The following FER variants were observed in gnomAD, a reference collection of about 807,000 sequenced individuals.
The protein encoded by FER is tyrosine-protein kinase Fer.
A neutral mutation model predicts 111.0 loss-of-function variants in FER; 63 were observed. The observed-to-expected ratio is 0.57, with a 90% CI of 0.46 to 0.70. FER has a LOEUF of 0.70. Among genes scored for constraint, FER ranks in the 30% least tolerant of loss-of-function variants. The pLI is 0.00. For missense variants in FER, 914 were observed against 954.0 expected (o/e 0.96, Z 0.55); for synonymous variants, 327 against 313.9 (o/e 1.04, Z -0.44).
Position 109,107,367 on chromosome 5 carries a change from A to T in FER, c.2048+6848A>T, listed in dbSNP as rs1378465851. 3.9e-5 allele frequency among the ~76,000 whole-genome samples: 6 copies of T among 152,192 alleles called. No homozygotes were observed. The East Asian group carries it at 1.2e-3, about 29-fold the overall frequency. On this transcript the variant is annotated intron_variant, in intron 17 of 19. Coordinates refer to ENST00000281092, the MANE Select transcript of FER (RefSeq NM_005246.4). ...ATTTTAGGCTCAGGGGGTACATGTGAAGGTTTGTTATACAGGTAAACTCAT... is the reference window on the plus strand; with the variant it reads ...ATTTTAGGCTCAGGGGGTACATGTGTAGGTTTGTTATACAGGTAAACTCAT...
At chr5:108,977,205 C>T (rs924492733) in intron 13 of FER, among the ~76,000 whole-genome samples, 1 of 152,118 alleles carries the variant, frequency 6.6e-6, no homozygotes, top group Admixed American at 6.5e-5. Flanking sequence ...TTTAATACTG[C>T]ATTTTTATGT....
intron 5 of FER, among the ~76,000 whole-genome samples, chr5:108,855,193 A>G (rs1477413741): frequency 6.6e-6 from 1 of 152,174 alleles, no homozygotes; most frequent in Non-Finnish European, 1.5e-5. Context: ...CTGGAGTAGA[A>G]CTATAAATAT....
chr5:109,143,659 C>G (rs1341515594), intron 17 of FER, among the ~76,000 whole-genome samples: 3 of 151,738 alleles, frequency 2.0e-5, no homozygotes, highest in Admixed American at 2.0e-4. Flanking sequence ...AGAAATTGTA[C>G]CACTTATTTA....
At chr5:108,839,164 C>T (rs753970494) in intron 5 of FER, among the ~76,000 whole-genome samples, 2 of 152,046 alleles carry the variant, frequency 1.3e-5, no homozygotes, top group Non-Finnish European at 2.9e-5. Flanking sequence ...CTCTTATAGA[C>T]GGGAAATCAC....
At chr5:108,885,541 T>C (rs1350311649) in intron 9 of FER, among the ~76,000 whole-genome samples, 1 of 151,814 alleles carries the variant, frequency 6.6e-6, no homozygotes, top group Non-Finnish European at 1.5e-5. Flanking sequence ...GCCAGCATGA[T>C]TGGGTTCTTG....
intron 17 of FER, among the ~76,000 whole-genome samples, chr5:109,110,547 A>G (rs997848587): frequency 5.3e-5 from 8 of 152,180 alleles, no homozygotes; most frequent in Admixed American, 1.3e-4. Context: ...AGCCATTGAA[A>G]GGACTGTGGC....
In FER at chr5:108,793,289, A is replaced by C. The variant is rs186270692; in HGVS notation, c.-59-4835A>C. 2.6e-3 allele frequency among the ~76,000 whole-genome samples: 392 copies of C among 152,202 alleles called. 1 individual carries two copies. The highest frequency in any genetic ancestry group is 6.3e-3 in the Admixed American group (96 of 15,290). The stretch of plus-strand genomic sequence containing the variant: ...GACTGTGTCTGGCTTATTTCACTTA[A>C]CATAACGACCACCAGTTCTATCCAT... On this transcript the variant is annotated intron_variant, in intron 2 of 19. Transcript: ENST00000281092.
chr5:108,984,028 C>G (rs1025353892), intron 13 of FER, among the ~76,000 whole-genome samples: 1 of 152,116 alleles, frequency 6.6e-6, no homozygotes, highest in Admixed American at 6.6e-5. Flanking sequence ...AAAAACAAAA[C>G]AGACACGGTG....
At chr5:109,150,790 A>T (rs556976990) in intron 17 of FER, among the ~76,000 whole-genome samples, 7 of 152,230 alleles carry the variant, frequency 4.6e-5, no homozygotes, top group Non-Finnish European at 1.0e-4. Context: ...TTGCTATATT[A>T]TTGTTATCAG....
chr5:108,863,346 C>G (rs1763719444), intron 5 of FER, among the ~76,000 whole-genome samples: 1 of 152,134 alleles, frequency 6.6e-6, no homozygotes, highest in Non-Finnish European at 1.5e-5. Flanking sequence ...GCCTCGAACT[C>G]CTGACCTCAA....
At chr5:109,057,756 A>C (rs2149952299) in intron 16 of FER, among the ~76,000 whole-genome samples, 1 of 152,250 alleles carries the variant, frequency 6.6e-6, no homozygotes, top group South Asian at 2.1e-4. Context: ...CTCAAAGAAA[A>C]CTCCAGGCCT....
intron 3 of FER, among the ~76,000 whole-genome samples, chr5:108,815,495 A>G (rs1758183020): frequency 6.6e-6 from 1 of 152,124 alleles, no homozygotes; most frequent in Non-Finnish European, 1.5e-5. Context: ...CTCTAAAAAG[A>G]GTTAAATTAA....
intron 17 of FER, among the ~76,000 whole-genome samples, chr5:109,155,752 T>A (rs963160373): frequency 6.6e-6 from 1 of 151,956 alleles, no homozygotes; most frequent in African/African-American, 2.4e-5. Context: ...AGATTGTGAG[T>A]CCATAGAAGG....
chr5:108,828,924 C>T (rs1018700798), intron 3 of FER, among the ~76,000 whole-genome samples: 6 of 152,044 alleles, frequency 3.9e-5, no homozygotes, highest in East Asian at 3.9e-4. Flanking sequence ...ATGGTGAGAC[C>T]CTGTCTCTAT....
intron 13 of FER, among the ~76,000 whole-genome samples, chr5:108,990,759 T>A (rs1001092181): frequency 4.0e-5 from 6 of 151,564 alleles, no homozygotes; most frequent in African/African-American, 1.5e-4. Flanking sequence ...AATAGATGAG[T>A]CATCTTTATT....
At chr5:109,010,798 A>G (rs1239194922) in intron 13 of FER, among the ~76,000 whole-genome samples, 1 of 152,182 alleles carries the variant, frequency 6.6e-6, no homozygotes, top group African/African-American at 2.4e-5. Context: ...CCTCAGAGCC[A>G]TTATTCAGGT....
intron 9 of FER, among the ~76,000 whole-genome samples, chr5:108,893,169 A>T (rs1234783534): frequency 6.6e-6 from 1 of 152,106 alleles, no homozygotes; most frequent in Non-Finnish European, 1.5e-5. Flanking sequence ...TTGGTTCCAT[A>T]TGAACTTTAA....
At chr5:109,092,158 A>G (rs554603565) in intron 16 of FER, among the ~76,000 whole-genome samples, 38 of 152,060 alleles carry the variant, frequency 2.5e-4, no homozygotes, top group African/African-American at 8.9e-4. Context: ...CTGAAAGTAT[A>G]AAACTGCTAG....
At chr5:108,970,537 A>G (rs191105038) in intron 13 of FER, among the ~76,000 whole-genome samples, 354 of 152,148 alleles carry the variant, frequency 2.3e-3, no homozygotes, top group African/African-American at 8.1e-3. Context: ...TATTTTTAGA[A>G]GTGTTTACAG....
Sources: allele counts gnomAD v4.1 joint callset (sites outside exome capture counted in the v4.1 genomes callset), GRCh38; gene constraint gnomAD v4.1.1; transcripts MANE v1.5; gene names NCBI Gene and HGNC (gene_info 2026-07-23, HGNC 2026-07-21).